RCAN2: variants seen among roughly 807,000 people sequenced by gnomAD.
RCAN2 encodes regulator of calcineurin 2.
A neutral mutation model predicts 23.6 loss-of-function variants in RCAN2; 9 were observed. The ratio of observed to expected loss-of-function variants is 0.38; its 90% confidence interval spans 0.23 to 0.67. RCAN2 has a LOEUF of 0.67. Among genes scored for constraint, RCAN2 ranks in the 30% least tolerant of loss-of-function variants. The pLI is 0.51. For missense variants in RCAN2, 273 were observed against 302.3 expected (o/e 0.90, Z 0.72); for synonymous variants, 109 against 115.7 (o/e 0.94, Z 0.37).
chr6:46,483,324 C>G (rs972867796), intron 1 of RCAN2, among the ~76,000 whole-genome samples: 4 of 152,204 alleles, frequency 2.6e-5, no homozygotes, highest in African/African-American at 9.7e-5. Flanking sequence ...CCACCTGGAG[C>G]TGACCCTTCC....
At chr6:46,411,337 T>C (rs902316624) in intron 2 of RCAN2, among the ~76,000 whole-genome samples, 5 of 152,176 alleles carry the variant, frequency 3.3e-5, no homozygotes, top group African/African-American at 1.2e-4. Flanking sequence ...CCTGGGAGGA[T>C]GGGGAGCTAT....
intron 2 of RCAN2, among the ~76,000 whole-genome samples, chr6:46,390,019 CA>C (rs34443128): frequency 0.033 from 4,507 of 137,660 alleles, 153 homozygotes; most frequent in African/African-American, 0.099. Flanking sequence ...TATTCGAGAC[CA>C]AAAAAAAAAA....
intron 4 of RCAN2, among the ~76,000 whole-genome samples, chr6:46,225,499 A>G (rs1314532469): frequency 4.6e-5 from 7 of 152,122 alleles, no homozygotes; most frequent in Non-Finnish European, 7.4e-5. Context: ...ATGGTATTTC[A>G]TTGTGGTTTT....
At chr6:46,351,279 C>T (rs376135837) in intron 2 of RCAN2, among the ~76,000 whole-genome samples, 118 of 152,322 alleles carry the variant, frequency 7.7e-4, no homozygotes, top group African/African-American at 2.4e-3. Context: ...CACTTCACAA[C>T]CAAGGCTTCC....
intron 2 of RCAN2, among the ~76,000 whole-genome samples, chr6:46,456,185 G>A (rs1918477): frequency 0.51 from 77,694 of 151,966 alleles, 20,160 homozygotes; most frequent in East Asian, 0.61. Flanking sequence ...TTGAGGAGTT[G>A]CTGCTTCATT....
At chr6:46,360,206 A>G (rs1255293199) in intron 2 of RCAN2, among the ~76,000 whole-genome samples, 7 of 152,154 alleles carry the variant, frequency 4.6e-5, no homozygotes, top group Non-Finnish European at 1.0e-4. Context: ...ACCACGTTCT[A>G]TACCAAGGTC....
chr6:46,354,539 CT>C (rs1764763744), intron 2 of RCAN2, among the ~76,000 whole-genome samples: 4 of 152,088 alleles, frequency 2.6e-5, no homozygotes, highest in Admixed American at 6.5e-5. Flanking sequence ...CTTCCTGAGT[CT>C]GTAATTATTT....
At chr6:46,272,302 C>T (rs573847994) in intron 2 of RCAN2, among the ~76,000 whole-genome samples, 3 of 152,314 alleles carry the variant, frequency 2.0e-5, no homozygotes, top group African/African-American at 7.2e-5. Context: ...GGGCGTTCTA[C>T]TTCTACCTGC....
chr6:46,284,249 G>C (rs1762298088), intron 2 of RCAN2, among the ~76,000 whole-genome samples: 1 of 152,102 alleles, frequency 6.6e-6, no homozygotes. Context: ...GAGCCTAAAG[G>C]TGGCTCTTAG....
chr6:46,259,144 C>T (rs1434969447), intron 2 of RCAN2, among the ~76,000 whole-genome samples: 2 of 152,108 alleles, frequency 1.3e-5, no homozygotes, highest in Admixed American at 1.3e-4. Flanking sequence ...CAAGATCATG[C>T]CACTGCACTC....
chr6:46,231,842 G>A (rs898178014), intron 4 of RCAN2, among the ~76,000 whole-genome samples: 47 of 152,256 alleles, frequency 3.1e-4, no homozygotes, highest in African/African-American at 1.1e-3. Flanking sequence ...GCTGTGTAGA[G>A]TAAAGGCTTT....
chr6:46,426,515 T>C (rs1377075121), intron 2 of RCAN2, among the ~76,000 whole-genome samples: 1 of 152,150 alleles, frequency 6.6e-6, no homozygotes, highest in Non-Finnish European at 1.5e-5. Flanking sequence ...CATGGGAAAA[T>C]AGTAGGCAGC....
At chr6:46,372,023 C>T (rs1464982043) in intron 2 of RCAN2, among the ~76,000 whole-genome samples, 2 of 152,278 alleles carry the variant, frequency 1.3e-5, no homozygotes, top group East Asian at 1.9e-4. Flanking sequence ...ATGGGCTGAA[C>T]CATCATATGC....
chr6:46,426,152 G>C (rs1767025948), intron 2 of RCAN2, among the ~76,000 whole-genome samples: 1 of 151,958 alleles, frequency 6.6e-6, no homozygotes, highest in Non-Finnish European at 1.5e-5. Context: ...ACCCCCCTCA[G>C]CTTCCCAAAG....
intron 2 of RCAN2, among the ~76,000 whole-genome samples, chr6:46,431,775 G>C (rs1365828567): frequency 6.6e-6 from 1 of 152,160 alleles, no homozygotes; most frequent in Non-Finnish European, 1.5e-5. Flanking sequence ...GTGTCCATTG[G>C]TTTATGAAGC....
chr6:46,441,054 G>A (rs1479772651), intron 2 of RCAN2, among the ~76,000 whole-genome samples: 1 of 152,164 alleles, frequency 6.6e-6, no homozygotes, highest in Admixed American at 6.5e-5. Context: ...CTGGTTATTA[G>A]AAAACCTCCT....
intron 2 of RCAN2, among the ~76,000 whole-genome samples, chr6:46,282,657 G>C (rs1030678739): frequency 5.9e-5 from 9 of 152,170 alleles, no homozygotes; most frequent in Non-Finnish European, 1.2e-4. Flanking sequence ...CACTGATCTA[G>C]AGCTTAGGAG....
chr6:46,277,851 A>C (rs1194577292), intron 2 of RCAN2, among the ~76,000 whole-genome samples: 1 of 152,144 alleles, frequency 6.6e-6, no homozygotes, highest in Non-Finnish European at 1.5e-5. Flanking sequence ...AAAAGGATCT[A>C]AAAAGAGGGA....
chr6:46,409,540 A>G (rs1319875747), intron 2 of RCAN2, among the ~76,000 whole-genome samples: 1 of 152,214 alleles, frequency 6.6e-6, no homozygotes, highest in Non-Finnish European at 1.5e-5. Flanking sequence ...AGGCATCTGC[A>G]GTTTGCAACC....
Sources: allele counts gnomAD v4.1 joint callset (sites outside exome capture counted in the v4.1 genomes callset), GRCh38; gene constraint gnomAD v4.1.1; transcripts MANE v1.5; gene names NCBI Gene and HGNC (gene_info 2026-07-23, HGNC 2026-07-21).